ASAP2: variants seen among roughly 807,000 people sequenced by gnomAD.
The protein encoded by ASAP2 is ArfGAP with SH3 domain, ankyrin repeat and PH domain 2.
ASAP2 carries 45 observed loss-of-function variants against 131.4 expected under a neutral mutation model. The observed-to-expected ratio is 0.34, with a 90% confidence interval of 0.27 to 0.44. The LOEUF is 0.44. ASAP2 is among the 20% of genes least tolerant of loss of function. The pLI is 1.00. For missense variants in ASAP2, 1,011 were observed against 1,297.0 expected (o/e 0.78, Z 3.39); for synonymous variants, 510 against 503.0 (o/e 1.01, Z -0.19).
At chr2:9,302,234 G>A (rs887900467) in intron 3 of ASAP2, among the ~76,000 whole-genome samples, 1 of 144,684 alleles carries the variant, frequency 6.9e-6, no homozygotes, top group Non-Finnish European at 1.5e-5. Flanking sequence ...GCGCAGTGGT[G>A]CAGTCTTGGC....
chr2:9,230,343 C>T (rs1395030292), intron 1 of ASAP2, among the ~76,000 whole-genome samples: 1 of 152,198 alleles, frequency 6.6e-6, no homozygotes, highest in Admixed American at 6.5e-5. Context: ...CTGCGTGGGC[C>T]TGCTGCCACT....
chr2:9,380,246 A>G (rs1674732801), intron 19 of ASAP2, among the ~76,000 whole-genome samples: 1 of 151,980 alleles, frequency 6.6e-6, no homozygotes, highest in African/African-American at 2.4e-5. Flanking sequence ...CACCAAGGCT[A>G]GAGTGCAGTG....
intron 19 of ASAP2, among the ~76,000 whole-genome samples, chr2:9,379,849 G>A (rs999508251): frequency 2.6e-5 from 4 of 151,948 alleles, no homozygotes. Flanking sequence ...AAAATTAGCC[G>A]GGTATGGTGG....
chr2:9,288,017 C>T (rs1472074596), intron 2 of ASAP2, among the ~76,000 whole-genome samples: 1 of 152,188 alleles, frequency 6.6e-6, no homozygotes, highest in Non-Finnish European at 1.5e-5. Flanking sequence ...CCGCATGCAT[C>T]TGTAAGACAT....
chr2:9,315,569 TG>T (rs1490717215), intron 3 of ASAP2, among the ~76,000 whole-genome samples: 1 of 151,998 alleles, frequency 6.6e-6, no homozygotes, highest in Non-Finnish European at 1.5e-5. Context: ...GCTGCATACT[TG>T]GGGCTGCCTG....
chr2:9,361,720 A>G (rs942055800), intron 15 of ASAP2, among the ~76,000 whole-genome samples: 2 of 152,068 alleles, frequency 1.3e-5, no homozygotes, highest in African/African-American at 4.8e-5. Flanking sequence ...GGCAAGTGCT[A>G]CCACGCCTGG....
chr2:9,321,056 A>G (rs957271503), intron 5 of ASAP2, among the ~76,000 whole-genome samples: 1 of 152,194 alleles, frequency 6.6e-6, no homozygotes, highest in Non-Finnish European at 1.5e-5. Flanking sequence ...TATTTTAAAT[A>G]CTGGAAAGAT....
At chr2:9,383,317 A>G (rs936691936) in intron 20 of ASAP2, among the ~76,000 whole-genome samples, 2 of 152,094 alleles carry the variant, frequency 1.3e-5, no homozygotes, top group African/African-American at 4.8e-5. Context: ...TTGGAGTGCA[A>G]TGGCGTGCTT....
At chr2:9,384,358 A>G (rs1365411095) in intron 20 of ASAP2, among the ~76,000 whole-genome samples, 2 of 152,082 alleles carry the variant, frequency 1.3e-5, no homozygotes, top group Non-Finnish European at 2.9e-5. Context: ...TTTTTTCACT[A>G]CCATGTTCTT....
intron 3 of ASAP2, among the ~76,000 whole-genome samples, chr2:9,304,094 G>A (rs1453099356): frequency 2.0e-5 from 3 of 152,180 alleles, no homozygotes; most frequent in African/African-American, 7.2e-5. Flanking sequence ...TGGAAGCAGG[G>A]AGCAGTGACT....
At chr2:9,306,545 C>T (rs1326810941) in intron 3 of ASAP2, among the ~76,000 whole-genome samples, 3 of 151,768 alleles carry the variant, frequency 2.0e-5, no homozygotes, top group Non-Finnish European at 2.9e-5. Flanking sequence ...GGGCTTGAGC[C>T]TGTTTCTGGG....
chr2:9,337,783 A>G (rs925074910), intron 9 of ASAP2, among the ~76,000 whole-genome samples: 4 of 151,894 alleles, frequency 2.6e-5, no homozygotes, highest in Middle Eastern at 3.4e-3. Context: ...CCTCCCAATC[A>G]CTGGCCATTC....
intron 9 of ASAP2, 35 bp from the exon 10 acceptor site, chr2:9,344,497 A>G (rs1671819126): frequency 1.3e-6 from 2 of 1,558,244 alleles, no homozygotes; most frequent in East Asian, 4.5e-5. Flanking sequence ...TAGGACCTGG[A>G]CAAGATTAAA....
At chr2:9,252,688 G>A (rs1355158022) in intron 1 of ASAP2, among the ~76,000 whole-genome samples, 1 of 152,102 alleles carries the variant, frequency 6.6e-6, no homozygotes, top group Non-Finnish European at 1.5e-5. Context: ...GGTTGAGGCG[G>A]GCAGATCACG....
chr2:9,269,347 G>A (rs966528806), intron 1 of ASAP2, among the ~76,000 whole-genome samples: 16 of 152,032 alleles, frequency 1.1e-4, no homozygotes, highest in Non-Finnish European at 7.4e-5. Context: ...GGAAATGTTC[G>A]TCTGGAAACA....
chr2:9,393,239 C>A (rs1572627578), intron 23 of ASAP2, among the ~76,000 whole-genome samples: 1 of 152,212 alleles, frequency 6.6e-6, no homozygotes, highest in Non-Finnish European at 1.5e-5. Flanking sequence ...TACTCACTCA[C>A]AGGCTGATAG....
rs890471796 is a variant in ASAP2, at chr2:9,268,822, G to A, written c.127-10495G>A. On this transcript the variant is annotated intron_variant, in intron 1 of 27. Coordinates refer to ENST00000281419, the MANE Select transcript of ASAP2 (RefSeq NM_003887.3). The surrounding 1 kb of genome is among the most constrained non-coding windows in gnomAD (Gnocchi z 4.1). ...AGAGCGGAGCATGCTAGGGCTGCCT[G>A]AGTGCTGCAGGCCTCTGCTCTCCCC... Among the ~76,000 whole-genome samples the A allele has an allele frequency of 2.0e-5, 3 of 152,210 alleles. No homozygotes were observed. Among genetic ancestry groups the A allele is most frequent in the African/African-American group, 7.2e-5 (3 of 41,446 alleles).
chr2:9,213,814 G>A (rs1227982294), intron 1 of ASAP2, among the ~76,000 whole-genome samples: 1 of 152,222 alleles, frequency 6.6e-6, no homozygotes, highest in Non-Finnish European at 1.5e-5. Context: ...TGGTGAAGCT[G>A]TTGCTGTCTA....
In ASAP2 at chr2:9,404,538, G is replaced by A. The variant is rs1252199496; in HGVS notation, c.*1211G>A. The A allele has an allele frequency of 1.3e-5, 2 of 152,342 alleles. No individual in the cohort carries two copies. The highest frequency in any genetic ancestry group is 4.8e-5 in the African/African-American group (2 of 41,440). 9.4% of individuals were successfully genotyped at this position (152,342 alleles called of 1,614,324 possible). A position where few individuals can be genotyped will look rare whatever the true frequency, so the allele number is the denominator to read the frequency against. On this transcript the variant is annotated 3_prime_UTR_variant, in exon 28 of 28. Transcript: ENST00000281419. ...CTCTATTTAGTAATTGCGAGGGTAA[G>A]ATTCATAGTAGGAATATTGGAAATT...
Sources: gnomAD v4.1 joint callset for allele counts (sites outside exome capture counted in the v4.1 genomes callset) on GRCh38, gnomAD v4.1.1 for gene constraint, Gnocchi (gnomAD v3.1) non-coding constraint, MANE v1.5 for transcripts, NCBI Gene and HGNC (gene_info 2026-07-23, HGNC 2026-07-21) for gene names.